Variants in MEN1 observed in about 807,000 individuals in gnomAD.
MEN1 encodes the protein menin.
In MEN1, 6 loss-of-function variants were observed where a neutral mutation model predicts 58.0. That is an observed-to-expected ratio of 0.10 (90% CI 0.06 to 0.20). MEN1 has a LOEUF of 0.20. MEN1 is among the 10% of genes least tolerant of loss of function. The probability of loss-of-function intolerance (pLI) is 1.00; values close to 1 mark genes in which losing one functional copy is unlikely to be tolerated. For synonymous variants in MEN1, 346 were observed against 350.7 expected (o/e 0.99, Z 0.15); for missense variants, 492 against 818.5 (o/e 0.60, Z 4.87).
chr11:64,804,427 C>G lies in MEN1; in HGVS notation c.1740G>C (p.Thr580=), dbSNP rs1114167530. The G allele has an allele frequency of 4.3e-6, 7 of 1,614,176 alleles. No individual in the cohort carries two copies. The Middle Eastern group carries it at 4.9e-4, about 114-fold the overall frequency. The change falls in exon 10 of 10, where the codon ACG becomes ACC. Residue 580 remains threonine (T), a synonymous_variant. Transcript: ENST00000450708. The surrounding 1 kb of genome is among the most constrained non-coding windows in gnomAD (Gnocchi z 4.2). ...INSSAIKLQL[T]AQSQVQMKKQ... ...TCTTCATCTGCACTTGCGACTGTGCCGTGAGTTGCAGCTTGATGGCGCTCG... is the reference window on the plus strand; with the variant it reads ...TCTTCATCTGCACTTGCGACTGTGCGGTGAGTTGCAGCTTGATGGCGCTCG...
At chr11:64,810,423 C>T in intron 1 of MEN1, 91 bp downstream of exon 1, 1 of 410,194 alleles carries the variant, frequency 2.4e-6, no homozygotes, top group Non-Finnish European at 4.4e-6. Context: ...TACGACTGTG[C>T]CCCCGGGGCT....
rs1658136827 is a variant in MEN1 at position 64,807,286 on chromosome 11, G to T, written c.784-67C>A. On this transcript the variant is annotated intron_variant, in intron 4 of 9. Transcript: ENST00000450708. The surrounding 1 kb of genome is among the most constrained non-coding windows in gnomAD (Gnocchi z 4.9). ...GGAGAACGGGTCCTTAGCCTATCGGGCAGAGGTGGGGGTCAGAACCAACAG... is the reference window on the plus strand; with the variant it reads ...GGAGAACGGGTCCTTAGCCTATCGGTCAGAGGTGGGGGTCAGAACCAACAG... 7 of 1,554,758 alleles carry T rather than the reference G, an allele frequency of 4.5e-6. No homozygotes were observed. The highest frequency in any genetic ancestry group is 5.2e-6 in the Non-Finnish European group (6 of 1,144,910).
In MEN1 at chr11:64,804,319, G is replaced by T; in HGVS notation, c.*15C>A. ...GAGCCTGGGTCCCCACAAGCGGTCC[G>T]AAGTCCCCAGTAGTTCAGAGGCCTT... On this transcript the variant is annotated 3_prime_UTR_variant, in exon 10 of 10. Transcript: ENST00000450708. The surrounding 1 kb of genome is among the most constrained non-coding windows in gnomAD (Gnocchi z 4.2). 2 of 1,614,150 alleles carry T rather than the reference G, an allele frequency of 1.2e-6. No homozygotes were observed. Among genetic ancestry groups the T allele is most frequent in the Non-Finnish European group, 1.7e-6 (2 of 1,180,028 alleles).
Position 64,807,217 on chromosome 11 carries a change from C to G in MEN1, c.786G>C (p.Lys262Asn), listed in dbSNP as rs2136134487. ...DSLELLQLQQ[K>N]LLWLLYDLGH... ...CCAGGTCATAGAGCAGCCAGAGCAG[C>G]TTCTAGGAGCCGAAGGAGAGAGTTA... Residue 262 changes from lysine (K) to asparagine (N), a missense_variant and splice_region_variant, in exon 5 of 10, where the codon AAG (lysine) becomes AAC (asparagine). Transcript: ENST00000450708. The surrounding 1 kb of genome is among the most constrained non-coding windows in gnomAD (Gnocchi z 4.9). 1 of 1,613,406 alleles carries G rather than the reference C, an allele frequency of 6.2e-7. No individual in the cohort carries two copies. The highest frequency in any genetic ancestry group is 1.7e-4 in the Middle Eastern group (1 of 6,056).
rs1218855203 is a variant in MEN1, at chr11:64,807,508, A to G, written c.783+44T>C. ...CCTGCCCAGGGTCCCACAGCAAGTC[A>G]AGTCTGGCCTAGCCCAGTCCTGCCC... On this transcript the variant is annotated intron_variant, in intron 4 of 9. Coordinates refer to ENST00000450708, the MANE Select transcript of MEN1 (RefSeq NM_001370259.2). The surrounding 1 kb of genome is among the most constrained non-coding windows in gnomAD (Gnocchi z 4.9). The G allele has an allele frequency of 6.2e-7, 1 of 1,610,246 alleles. No homozygotes were observed.
At position 64,807,140 on chromosome 11, in the gene MEN1, G is replaced by A. The variant is rs374616196; in HGVS notation, c.824+39C>T. 1.2e-6 allele frequency: 2 copies of A among 1,613,830 alleles called. No homozygotes were observed. The highest frequency in any genetic ancestry group is 2.7e-5 in the African/African-American group (2 of 74,944). On this transcript the variant is annotated intron_variant, in intron 5 of 9. Transcript: ENST00000450708. This position sits in a 1 kb window ranked among gnomAD's most constrained non-coding sequence, Gnocchi z 4.9. ...ATTCAGGCTGCCACCCAGCCCCCCGGCCTCACCAGGCGCAGCCTGGCCACT... is the reference window on the plus strand; with the variant it reads ...ATTCAGGCTGCCACCCAGCCCCCCGACCTCACCAGGCGCAGCCTGGCCACT...
rs1209606579 is a variant in MEN1 at position 64,807,983 on chromosome 11, G to A, written c.562C>T (p.Pro188Ser). The A allele has an allele frequency of 6.2e-7, 1 of 1,614,044 alleles. No individual in the cohort carries two copies. The highest frequency in any genetic ancestry group is 2.2e-5 in the East Asian group (1 of 44,900). Residue 188 changes from proline (P) to serine (S), a missense_variant, in exon 3 of 10, where the codon CCC becomes TCC. Transcript: ENST00000450708. The surrounding 1 kb of genome is among the most constrained non-coding windows in gnomAD (Gnocchi z 4.9). ...ACCTCAGCTGTCTGCTCCCCATTGGGCCCAAACACTACCCAGGCATGATCC... is the reference window on the plus strand; with the variant it reads ...ACCTCAGCTGTCTGCTCCCCATTGGACCCAAACACTACCCAGGCATGATCC... ...SEDHAWVVFG[P>S]NGEQTAEVTW...
intron 7 of MEN1, 48 bp from the exon 8 acceptor site, chr11:64,805,818 CG>C (rs781439016): frequency 2.0e-5 from 32 of 1,610,792 alleles, no homozygotes; most frequent in Non-Finnish European, 2.6e-5. Flanking sequence ...GTCTCACCAT[CG>C]GGGGTAGCCC....
At chr11:64,806,632 C>T (rs1157136059) in intron 6 of MEN1, among the ~76,000 whole-genome samples, 1 of 152,148 alleles carries the variant, frequency 6.6e-6, no homozygotes, top group Non-Finnish European at 1.5e-5. Context: ...CTCAGACACT[C>T]TTCTACACAT....
intron 2 of MEN1, among the ~76,000 whole-genome samples, chr11:64,808,760 A>G (rs556584016): frequency 6.6e-6 from 1 of 151,968 alleles, no homozygotes; most frequent in South Asian, 2.1e-4. Context: ...CCTGGCTAAC[A>G]TGGTGAAACC....
At position 64,807,635 on chromosome 11, in the gene MEN1, T is replaced by A. The variant is rs1296948476; in HGVS notation, c.700A>T (p.Met234Leu). 5 of 1,614,172 alleles carry A rather than the reference T, an allele frequency of 3.1e-6. No individual in the cohort carries two copies. Among genetic ancestry groups the A allele is most frequent in the African/African-American group, 2.7e-5 (2 of 75,044 alleles). ...KGSYMRCDRK[M>L]EVAFMVCAIN... ...GCACACACCATGAACGCCACCTCCATCTTGCGGTCACAGCGCATGTATGAT... is the reference window on the plus strand; with the variant it reads ...GCACACACCATGAACGCCACCTCCAACTTGCGGTCACAGCGCATGTATGAT... Residue 234 changes from methionine (M) to leucine (L), a missense_variant, in exon 4 of 10, where the codon ATG becomes TTG. Physicochemically the swap from Met to Leu is conservative, Grantham distance 15. Around this residue, in one of 5 missense-constraint regions of MEN1, gnomAD observed 335 missense variants for 550.3 expected, o/e 0.61. Coordinates refer to ENST00000450708, the MANE Select transcript of MEN1 (RefSeq NM_001370259.2). The surrounding 1 kb of genome is among the most constrained non-coding windows in gnomAD (Gnocchi z 4.9).
Position 64,804,011 on chromosome 11 carries a change from T to A in MEN1, c.*323A>T. The A allele has an allele frequency of 4.4e-6, 2 of 457,140 alleles. No individual in the cohort carries two copies. Among genetic ancestry groups the A allele is most frequent in the South Asian group, 4.4e-5 (2 of 45,610 alleles). The allele number at this position is 457,140 out of a possible 1,614,324, so 28.3% of individuals were successfully genotyped here. A position where few individuals can be genotyped will look rare whatever the true frequency, so the allele number is the denominator to read the frequency against. ...GCCCTGAGTAACGTTGGTCTGGCTC[T>A]AGGTGAGCGGTTCCGAGGAGGAGCT... On this transcript the variant is annotated 3_prime_UTR_variant, in exon 10 of 10. Transcript: ENST00000450708. The surrounding 1 kb of genome is among the most constrained non-coding windows in gnomAD (Gnocchi z 4.2).
chr11:64,805,136 G>A lies in MEN1; in HGVS notation c.1248C>T (p.Phe416=), dbSNP rs2136101962. 1.2e-6 allele frequency: 2 copies of A among 1,614,146 alleles called. No homozygotes were observed. The highest frequency in any genetic ancestry group is 1.7e-6 in the Non-Finnish European group (2 of 1,180,030). Residue 416 remains phenylalanine (F), a synonymous_variant, in exon 9 of 10, where the codon TTC becomes TTT. Coordinates refer to ENST00000450708, the MANE Select transcript of MEN1 (RefSeq NM_001370259.2). ...CCTCCCATTTGCAGATGCCGTCGTA[G>A]AATCGCAGCAGGTGGGCGAAGCACT... ...DPECFAHLLR[F]YDGICKWEEG...
chr11:64,809,798 G>A lies in MEN1; in HGVS notation c.312C>T (p.Ser104=), dbSNP rs1592658525. Residue 104 remains serine, a synonymous_variant, in exon 2 of 10, where the codon TCC becomes TCT. Transcript: ENST00000450708. ...TAQIRGAVDL[S]LYPREGGVSS... ...AGACACCCCCTTCTCGAGGATAGAG[G>A]GACAGGTCGACGGCGCCTCGGATCT... 1 of 1,613,940 alleles carries A rather than the reference G, an allele frequency of 6.2e-7. No homozygotes were observed. The highest frequency in any genetic ancestry group is 8.5e-7 in the Non-Finnish European group (1 of 1,179,956).
chr11:64,807,196 G>A lies in MEN1; in HGVS notation c.807C>T (p.Asp269=), dbSNP rs2136133470. ...LQQKLLWLLY[D]LGHLERYPMA... is the part of the protein sequence containing the mutation. ...CTACTGACCTTTCCAGATGTCCCAG[G>A]TCATAGAGCAGCCAGAGCAGCTTCT... The change falls in exon 5 of 10, where the codon GAC becomes GAT. Residue 269 remains aspartate, a synonymous_variant. Coordinates refer to ENST00000450708, the MANE Select transcript of MEN1 (RefSeq NM_001370259.2). The surrounding 1 kb of genome is among the most constrained non-coding windows in gnomAD (Gnocchi z 4.9). 1 of 1,613,930 alleles carries A rather than the reference G, an allele frequency of 6.2e-7. No homozygotes were observed. Among genetic ancestry groups the A allele is most frequent in the Non-Finnish European group, 8.5e-7 (1 of 1,179,970 alleles).
rs1057122834 is a variant in MEN1, at chr11:64,806,473, C to T, written c.913-105G>A. The T allele has an allele frequency of 3.0e-6, 4 of 1,340,674 alleles. No individual in the cohort carries two copies. The African/African-American group carries it at 5.8e-5, about 19-fold the overall frequency. The allele number at this position is 1,340,674 out of a possible 1,614,324, so 83.0% of individuals were successfully genotyped here. ...CCCAGAAGGGGCCACAGGAAGATCC[C>T]AGGGAGTCCTCTCCATCTCCACTCC... On this transcript the variant is annotated intron_variant, in intron 6 of 9. Coordinates refer to ENST00000450708, the MANE Select transcript of MEN1 (RefSeq NM_001370259.2).
At chr11:64,808,229 C>T in intron 2 of MEN1, 130 bp from the exon 3 acceptor site, 1 of 812,482 alleles carries the variant, frequency 1.2e-6, no homozygotes, top group Non-Finnish European at 2.0e-6. Flanking sequence ...GATTCTCCTG[C>T]CCACTATCCC....
In MEN1 at chr11:64,804,702, G is replaced by A. The variant is rs587778440; in HGVS notation, c.1465C>T (p.Pro489Ser). The change falls in exon 10 of 10, where the codon CCA becomes TCA. Residue 489 changes from proline (P) to serine (S), a missense_variant. This residue lies in a region of MEN1 where 45 missense variants were observed against 66.9 expected (regional missense o/e 0.67). Coordinates refer to ENST00000450708, the MANE Select transcript of MEN1 (RefSeq NM_001370259.2). The surrounding 1 kb of genome is among the most constrained non-coding windows in gnomAD (Gnocchi z 4.2). Reference protein sequence around the residue: ...RRRGPRRESKPEEPPPPKKPA... With the variant: ...RRRGPRRESKSEEPPPPKKPA... The stretch of plus-strand genomic sequence containing the variant: ...TTCTTGGGCGGCGGGGGCTCCTCTG[G>A]CTTGGACTCCCGCCGTGGGCCCCGC... The A allele has an allele frequency of 1.3e-6, 2 of 1,596,184 alleles. No individual in the cohort carries two copies. Among genetic ancestry groups the A allele is most frequent in the Admixed American group, 3.4e-5 (2 of 59,332 alleles).
chr11:64,809,657 GCT>G lies in MEN1; in HGVS notation c.445+6_445+7del. ...CATGGATAAGATTCCCACCTACTGG[GCT>G]CCAACCTGTGATGAAGCTGAAGAGG... On this transcript the variant is annotated splice_donor_region_variant and intron_variant, in intron 2 of 9. Coordinates refer to ENST00000450708, the MANE Select transcript of MEN1 (RefSeq NM_001370259.2). 6.2e-7 allele frequency: 1 copy of G among 1,614,012 alleles called. No individual in the cohort carries two copies. The highest frequency in any genetic ancestry group is 1.1e-5 in the South Asian group (1 of 91,084).
Sources: gnomAD v4.1 joint callset for allele counts (sites outside exome capture counted in the v4.1 genomes callset) on GRCh38, gnomAD v4.1.1 for gene constraint, gnomAD v4.1.1 regional missense constraint, Gnocchi (gnomAD v3.1) non-coding constraint, MANE v1.5 for transcripts, NCBI Gene and HGNC (gene_info 2026-07-23, HGNC 2026-07-21) for gene names.